JADE3: variants seen among roughly 807,000 people sequenced by gnomAD.
The protein encoded by JADE3 is protein Jade-3.
Under a neutral mutation model 50.1 loss-of-function variants are expected in JADE3, and 2 were observed. The observed-to-expected ratio is 0.04, with a 90% CI of 0.02 to 0.13. The LOEUF is 0.13. JADE3 is among the 10% of genes least tolerant of loss of function. The pLI is 1.00. For missense variants in JADE3, 475 were observed against 634.4 expected (o/e 0.75, Z 2.70); for synonymous variants, 218 against 232.9 (o/e 0.94, Z 0.58).
At chrX:47,014,224 T>C (rs1257092114) in intron 4 of JADE3, among the ~76,000 whole-genome samples, 1 of 112,313 alleles carries the variant, frequency 8.9e-6, no homozygotes, top group Non-Finnish European at 1.9e-5. Flanking sequence ...TCAGTCAGAA[T>C]TGTGACTGAA....
At position 47,058,866 on chromosome X, in the gene JADE3, G is replaced by C; in HGVS notation, c.2261G>C (p.Arg754Pro). Residue 754 changes from arginine (R) to proline (P), a missense_variant, in exon 11 of 11, where the codon CGG (arginine) becomes CCG (proline). Physicochemically the swap from Arg to Pro is moderately radical, Grantham distance 103. Transcript: ENST00000614628. ...TTCTGGGGTAGACAGGTTCTCAGGC[G>C]GTCTGCAGGGAGAGCTCCATATCAG... ...EQFWGRQVLR[R>P]SAGRAPYQEN... The C allele has an allele frequency of 8.3e-7, 1 of 1,210,702 alleles. No individual in the cohort carries two copies. The highest frequency in any genetic ancestry group is 1.1e-6 in the Non-Finnish European group (1 of 894,697).
chrX:47,016,893 T>G (rs1556363049), intron 4 of JADE3, among the ~76,000 whole-genome samples: 1 of 111,314 alleles, frequency 9.0e-6, no homozygotes, highest in Non-Finnish European at 1.9e-5. Context: ...TAAAGTACAC[T>G]CTTGCTTTTT....
At chrX:46,941,469 A>C (rs1196367676) in intron 1 of JADE3, among the ~76,000 whole-genome samples, 1 of 111,431 alleles carries the variant, frequency 9.0e-6, no homozygotes, top group Non-Finnish European at 1.9e-5. Flanking sequence ...ACATTCTTTG[A>C]GAACTCCCCA....
At chrX:46,939,889 TAG>T (rs1926715628) in intron 1 of JADE3, among the ~76,000 whole-genome samples, 1 of 111,686 alleles carries the variant, frequency 9.0e-6, no homozygotes, top group Admixed American at 9.5e-5. Context: ...AAACTCAGAA[TAG>T]TTCATGACAT....
chrX:46,936,573 C>T (rs1460893443), intron 1 of JADE3, among the ~76,000 whole-genome samples: 5 of 110,971 alleles, frequency 4.5e-5, no homozygotes, highest in Admixed American at 2.9e-4. Context: ...TTGGAATTTG[C>T]CAGTAAAACT....
At position 46,923,401 on chromosome X, in the gene JADE3, T is replaced by C. The variant is rs1473842203; in HGVS notation, c.-12+10682T>C. 7.1e-4 allele frequency among the ~76,000 whole-genome samples: 28 copies of C among 39,691 alleles called. 1 individual carries two copies. The highest frequency in any genetic ancestry group is 2.0e-3 in the Admixed American group (8 of 3,989). 34.5% of individuals were successfully genotyped at this position (39,691 alleles called of 115,157 possible). On this transcript the variant is annotated intron_variant, in intron 1 of 10. Transcript: ENST00000614628. ...TCTCTCTCTCTCTCTCTCTTTTTTT[T>C]TTTTTTTTTTTTTTTTTTTTGAGGC...
chrX:47,018,056 A>C (rs902077624), intron 4 of JADE3, among the ~76,000 whole-genome samples: 42 of 111,993 alleles, frequency 3.8e-4, no homozygotes, highest in African/African-American at 1.3e-3. Flanking sequence ...TCAATATAAC[A>C]GGATATCCCA....
chrX:47,049,505 G>A (rs1345870942), intron 8 of JADE3, among the ~76,000 whole-genome samples: 1 of 106,853 alleles, frequency 9.4e-6, no homozygotes, highest in Non-Finnish European at 1.9e-5. Context: ...CGCCCAGGCC[G>A]GAGTGCAGTG....
At chrX:47,025,610 C>G (rs1928890897) in intron 5 of JADE3, among the ~76,000 whole-genome samples, 1 of 111,828 alleles carries the variant, frequency 8.9e-6, no homozygotes, top group Non-Finnish European at 1.9e-5. Context: ...CCATACAATA[C>G]CATACCAACA....
At chrX:46,964,448 A>G (rs1556348452) in intron 1 of JADE3, among the ~76,000 whole-genome samples, 2 of 111,970 alleles carry the variant, frequency 1.8e-5, no homozygotes, top group Non-Finnish European at 3.8e-5. Context: ...TATGCCAGAG[A>G]GGCCTTAGAT....
chrX:47,033,575 G>T, intron 6 of JADE3, 46 bp from the exon 7 acceptor site: 1 of 1,081,524 alleles, frequency 9.2e-7, no homozygotes, highest in Non-Finnish European at 1.3e-6. Context: ...ACCAACCCTG[G>T]TGAGAAGGTG....
chrX:46,997,507 G>A (rs1333535527), intron 3 of JADE3, among the ~76,000 whole-genome samples: 6 of 111,600 alleles, frequency 5.4e-5, no homozygotes, highest in Admixed American at 4.8e-4. Flanking sequence ...AACATAGTGA[G>A]ACCCTGTCTC....
chrX:47,033,112 A>G (rs782586697), intron 6 of JADE3, among the ~76,000 whole-genome samples: 25 of 112,176 alleles, frequency 2.2e-4, no homozygotes, highest in African/African-American at 7.1e-4. Context: ...CAAGCAAGCA[A>G]TTGCTACGAT....
chrX:46,937,130 T>G (rs975310487), intron 1 of JADE3, among the ~76,000 whole-genome samples: 21 of 111,900 alleles, frequency 1.9e-4, no homozygotes, highest in African/African-American at 4.9e-4. Context: ...GGGTTATATT[T>G]TTGGTTTTCT....
chrX:46,959,030 T>C (rs1482997780), intron 1 of JADE3, among the ~76,000 whole-genome samples: 1 of 112,167 alleles, frequency 8.9e-6, no homozygotes, highest in Non-Finnish European at 1.9e-5. Context: ...TCTTGTTCTT[T>C]AGGACCAACC....
At chrX:47,052,865 G>A (rs1929545845) in intron 8 of JADE3, among the ~76,000 whole-genome samples, 1 of 109,195 alleles carries the variant, frequency 9.2e-6, no homozygotes, top group African/African-American at 3.3e-5. Flanking sequence ...AGACCAGCCT[G>A]ACCAACATAG....
intron 4 of JADE3, among the ~76,000 whole-genome samples, chrX:47,013,980 T>C (rs1173999384): frequency 1.8e-5 from 2 of 112,161 alleles, no homozygotes; most frequent in Non-Finnish European, 3.8e-5. Context: ...ACTTTTGCTT[T>C]GACTGGGCCA....
intron 4 of JADE3, among the ~76,000 whole-genome samples, chrX:47,009,415 A>C (rs1456039383): frequency 9.0e-6 from 1 of 111,270 alleles, no homozygotes; most frequent in Non-Finnish European, 1.9e-5. Flanking sequence ...ACTGTAAACT[A>C]CCTAAGGGCA....
chrX:46,987,956 T>C (rs892850926), intron 3 of JADE3, among the ~76,000 whole-genome samples: 4 of 112,548 alleles, frequency 3.6e-5, no homozygotes, highest in Non-Finnish European at 5.6e-5. Flanking sequence ...TTAGAAGAGC[T>C]TGATCCCATG....
Sources: gnomAD v4.1 joint callset for allele counts (sites outside exome capture counted in the v4.1 genomes callset) on GRCh38, gnomAD v4.1.1 for gene constraint, MANE v1.5 for transcripts, NCBI Gene and HGNC (gene_info 2026-07-23, HGNC 2026-07-21) for gene names.